ZFYVE9: variants seen among roughly 807,000 people sequenced by gnomAD.
The protein encoded by ZFYVE9 is zinc finger FYVE-type containing 9, also known as zinc finger FYVE domain-containing protein 9.
In ZFYVE9, 43 loss-of-function variants were observed where a neutral mutation model predicts 126.7. The ratio of observed to expected loss-of-function variants is 0.34; its 90% CI spans 0.27 to 0.44. ZFYVE9 has a LOEUF of 0.44. Ranked by LOEUF, ZFYVE9 falls within the 20% of genes least tolerant of loss-of-function variation. The pLI is 1.00. For synonymous variants in ZFYVE9, 521 were observed against 597.4 expected, an observed-to-expected ratio of 0.87 and a Z score of 1.87; for missense variants, 1,476 against 1,697.0, an observed-to-expected ratio of 0.87 and a Z score of 2.29.
intron 4 of ZFYVE9, among the ~76,000 whole-genome samples, chr1:52,241,181 ATGT>A (rs1218256621): frequency 6.6e-6 from 1 of 152,108 alleles, no homozygotes; most frequent in African/African-American, 2.4e-5. Context: ...TATACCTTAA[ATGT>A]ATACAATAAA....
chr1:52,287,641 T>G (rs958788772), intron 10 of ZFYVE9, among the ~76,000 whole-genome samples: 1 of 151,524 alleles, frequency 6.6e-6, no homozygotes, highest in Non-Finnish European at 1.5e-5. Context: ...GGAGGATTGC[T>G]TGAGGCCAGG....
At position 52,263,836 on chromosome 1, in the gene ZFYVE9, A is replaced by G; in HGVS notation, c.2242A>G (p.Arg748Gly). 6.4e-7 allele frequency: 1 copy of G among 1,551,484 alleles called. No homozygotes were observed. ...GTTATACATGGACAGAAAGGAAGCT[A>G]GAGTGTGTGTAATCTGCCATTCAGT... ...KLLYMDRKEA[R>G]VCVICHSVLM... is the part of the protein sequence containing the mutation. Residue 748 changes from arginine (R) to glycine (G), a missense_variant, in exon 5 of 19, where the codon AGA becomes GGA. Physicochemically the swap from Arg to Gly is moderately radical, Grantham distance 125. Around this residue, in one of 2 missense-constraint regions of ZFYVE9, gnomAD observed 669 missense variants for 902.4 expected, o/e 0.74. Coordinates refer to ENST00000287727, the MANE Select transcript of ZFYVE9 (RefSeq NM_004799.4).
chr1:52,305,588 G>C (rs917280790), intron 13 of ZFYVE9, among the ~76,000 whole-genome samples: 6 of 152,144 alleles, frequency 3.9e-5, no homozygotes, highest in Non-Finnish European at 5.9e-5. Context: ...GCCTGTAGGA[G>C]CCGGGGACAA....
intron 13 of ZFYVE9, among the ~76,000 whole-genome samples, chr1:52,318,241 C>T (rs1251016366): frequency 6.6e-6 from 1 of 152,112 alleles, no homozygotes; most frequent in African/African-American, 2.4e-5. Context: ...GTTGGTTTAA[C>T]ATTCAAAACT....
In ZFYVE9 at chr1:52,173,788, G is replaced by A. The variant is rs369175579; in HGVS notation, c.-143+31385G>A. ...CTTCTAGATTTTCTAGTTTATTTGT[G>A]TAGAGGTGTTTATAGTATTCTCTGA... On this transcript the variant is annotated intron_variant, in intron 1 of 18. Coordinates refer to ENST00000287727, the MANE Select transcript of ZFYVE9 (RefSeq NM_004799.4). 3.4e-4 allele frequency among the ~76,000 whole-genome samples: 52 copies of A among 152,256 alleles called. 1 individual carries two copies. In the South Asian group the frequency reaches 0.01, roughly 30 times the overall value.
At chr1:52,239,636 T>G in intron 4 of ZFYVE9, 41 bp downstream of exon 4, 1 of 1,569,478 alleles carries the variant, frequency 6.4e-7, no homozygotes, top group Non-Finnish European at 8.7e-7. Flanking sequence ...GCATGCACAT[T>G]TTGTAATGCT....
At position 52,337,854 on chromosome 1, in the gene ZFYVE9, C is replaced by A; in HGVS notation, c.3753C>A (p.Thr1251=). ...GAGAGATGAAGGACTTCACCATCAC[C>A]TGTGGGAAGGCGGACGCGGAGGAAC... ...ALREMKDFTI[T]CGKADAEEPQ... is the part of the protein sequence containing the mutation. The change falls in exon 16 of 19, where the codon ACC becomes ACA. Residue 1251 remains threonine (T), a synonymous_variant. Coordinates refer to ENST00000287727, the MANE Select transcript of ZFYVE9 (RefSeq NM_004799.4). 6.2e-7 allele frequency: 1 copy of A among 1,614,214 alleles called. No individual in the cohort carries two copies. The highest frequency in any genetic ancestry group is 8.5e-7 in the Non-Finnish European group (1 of 1,180,040).
Position 52,335,505 on chromosome 1 carries a change from G to C in ZFYVE9, c.3670+737G>C, listed in dbSNP as rs74080939. 6.7e-3 allele frequency among the ~76,000 whole-genome samples: 1,013 copies of C among 152,248 alleles called. 4 individuals carry two copies. Among genetic ancestry groups the C allele is most frequent in the Non-Finnish European group, 0.01 (682 of 68,016 alleles). On this transcript the variant is annotated intron_variant, in intron 15 of 18. Transcript: ENST00000287727. ...TAGGAGTGGTGACTGGGGTACTTAC[G>C]TGGGGACTCCTTAACATGGCTTGAT...
At chr1:52,340,849 C>T (rs1423100053) in intron 17 of ZFYVE9, among the ~76,000 whole-genome samples, 2 of 144,638 alleles carry the variant, frequency 1.4e-5, no homozygotes, top group African/African-American at 2.6e-5. Flanking sequence ...TACAGTGAGC[C>T]GAGATCACGC....
At chr1:52,286,298 T>G (rs1336823391) in intron 10 of ZFYVE9, among the ~76,000 whole-genome samples, 1 of 152,252 alleles carries the variant, frequency 6.6e-6, no homozygotes, top group Non-Finnish European at 1.5e-5. Context: ...TATTCTGCCC[T>G]AAATCACAGA....
intron 1 of ZFYVE9, chr1:52,162,552 C>T (rs569191006): frequency 5.4e-5 from 14 of 257,920 alleles, no homozygotes; most frequent in Admixed American, 4.6e-4. Flanking sequence ...TCCTTGAGAT[C>T]GCCCAGTTTG....
intron 1 of ZFYVE9, among the ~76,000 whole-genome samples, chr1:52,199,402 T>C (rs1182309986): frequency 6.6e-6 from 1 of 152,224 alleles, no homozygotes; most frequent in African/African-American, 2.4e-5. Context: ...TTTCGACTTT[T>C]CCAGAACGTC....
At chr1:52,262,918 A>G (rs1645593232) in intron 4 of ZFYVE9, among the ~76,000 whole-genome samples, 1 of 150,894 alleles carries the variant, frequency 6.6e-6, no homozygotes, top group African/African-American at 2.4e-5. Flanking sequence ...CTAATAATAC[A>G]AAAAAAAATT....
At chr1:52,310,896 G>C (rs1646130796) in intron 13 of ZFYVE9, among the ~76,000 whole-genome samples, 1 of 152,160 alleles carries the variant, frequency 6.6e-6, no homozygotes, top group South Asian at 2.1e-4. Flanking sequence ...TTTGAGACAG[G>C]GTCTTGCTGT....
At chr1:52,270,351 C>T (rs1645677352) in intron 7 of ZFYVE9, among the ~76,000 whole-genome samples, 1 of 152,146 alleles carries the variant, frequency 6.6e-6, no homozygotes, top group African/African-American at 2.4e-5. Context: ...GCAAGCTCCG[C>T]CTCCCGGGTT....
Position 52,238,312 on chromosome 1 carries a change from TCTC to T in ZFYVE9, c.898_900del (p.Pro300del), listed in dbSNP as rs767432147. On this transcript the variant is annotated inframe_deletion, in exon 4 of 19. Transcript: ENST00000287727. ...TGAGGACCTCACTGGCAAAATCAGC[TCTC>T]CTAGGACAGATCTAGGGAGTCCAAA... is the stretch of plus-strand genomic sequence containing the variant. 3.7e-6 allele frequency: 6 copies of T among 1,613,598 alleles called. No individual in the cohort carries two copies. The Admixed American group carries it at 1.0e-4, about 27-fold the overall frequency.
intron 12 of ZFYVE9, among the ~76,000 whole-genome samples, chr1:52,301,286 T>A (rs1301816715): frequency 2.0e-5 from 3 of 147,268 alleles, no homozygotes; most frequent in African/African-American, 7.5e-5. Flanking sequence ...TTTTTCTTTT[T>A]CCATCTTTTT....
chr1:52,269,230 A>G (rs1645663781), intron 7 of ZFYVE9, among the ~76,000 whole-genome samples: 2 of 152,042 alleles, frequency 1.3e-5, no homozygotes, highest in African/African-American at 4.8e-5. Context: ...CCCAGGTTCA[A>G]GCAATTCTCC....
At chr1:52,198,368 C>T (rs1644885094) in intron 1 of ZFYVE9, among the ~76,000 whole-genome samples, 1 of 151,920 alleles carries the variant, frequency 6.6e-6, no homozygotes, top group African/African-American at 2.4e-5. Context: ...CTCGACCTCC[C>T]TTACAGGCAT....
Sources: allele counts gnomAD v4.1 joint callset (sites outside exome capture counted in the v4.1 genomes callset), GRCh38; gene constraint gnomAD v4.1.1; regional missense constraint gnomAD v4.1.1; transcripts MANE v1.5; gene names NCBI Gene and HGNC (gene_info 2026-07-23, HGNC 2026-07-21).